COL25A1: variants seen among roughly 807,000 people sequenced by gnomAD.
COL25A1 encodes collagen alpha-1(XXV) chain.
A neutral mutation model predicts 128.4 loss-of-function variants in COL25A1; 103 were observed. The ratio of observed to expected loss-of-function variants is 0.80; its 90% CI spans 0.68 to 0.94. The LOEUF is 0.94. Among genes scored for constraint, COL25A1 ranks in the 40% least tolerant of loss-of-function variants. The pLI is 0.00. For synonymous variants in COL25A1, 279 were observed against 277.2 expected (o/e 1.01, Z -0.06); for missense variants, 745 against 840.0 (o/e 0.89, Z 1.40).
intron 3 of COL25A1, among the ~76,000 whole-genome samples, chr4:109,110,773 C>T (rs1394464606): frequency 6.6e-6 from 1 of 152,062 alleles, no homozygotes; most frequent in African/African-American, 2.4e-5. Flanking sequence ...TCTGTGTCAC[C>T]CCACACAACA....
chr4:108,931,833 T>C (rs911452955), intron 11 of COL25A1, among the ~76,000 whole-genome samples: 1 of 152,168 alleles, frequency 6.6e-6, no homozygotes, highest in African/African-American at 2.4e-5. Context: ...TGGGCAAAAG[T>C]ACCAAGGAGG....
intron 5 of COL25A1, among the ~76,000 whole-genome samples, chr4:109,019,381 T>TATATATATATATATA (rs1242459155): frequency 6.2e-5 from 2 of 32,300 alleles, no homozygotes; most frequent in African/African-American, 6.1e-4. Context: ...CACACATATA[T>TATATATATATATATA]ATATATATAT....
rs1730845505 is a variant in COL25A1 at position 108,812,129 on chromosome 4, C to T, written c.*1798G>A. On this transcript the variant is annotated 3_prime_UTR_variant, in exon 38 of 38. Coordinates refer to ENST00000399132, the MANE Select transcript of COL25A1 (RefSeq NM_198721.4). ...TTAGAATAAGCCATTTCAAAACACG[C>T]TACCAACTCTTTACTGTGCAAAGAA... The T allele has an allele frequency of 6.6e-6, 1 of 152,170 alleles. No individual in the cohort carries two copies. The highest frequency in any genetic ancestry group is 1.5e-5 in the Non-Finnish European group (1 of 68,016). 9.4% of individuals were successfully genotyped at this position (152,170 alleles called of 1,614,324 possible). A position where few individuals can be genotyped will look rare whatever the true frequency, so the allele number is the denominator to read the frequency against.
At chr4:108,860,799 A>T in intron 23 of COL25A1, 128 bp downstream of exon 23, 1 of 794,764 alleles carries the variant, frequency 1.3e-6, no homozygotes, top group Non-Finnish European at 2.1e-6. Context: ...GAATAATTAC[A>T]GTAGTCTACC....
intron 2 of COL25A1, among the ~76,000 whole-genome samples, chr4:109,301,099 T>TA (rs981087175): frequency 2.6e-5 from 4 of 151,754 alleles, no homozygotes; most frequent in African/African-American, 7.2e-5. Flanking sequence ...CCCCTTACTC[T>TA]AGTCTAAAGG....
chr4:108,816,188 A>G (rs2125703715), intron 37 of COL25A1, among the ~76,000 whole-genome samples: 1 of 152,294 alleles, frequency 6.6e-6, no homozygotes, highest in East Asian at 1.9e-4. Flanking sequence ...ATGGGAAGCT[A>G]CTAAATAAAT....
intron 35 of COL25A1, among the ~76,000 whole-genome samples, chr4:108,823,615 C>T (rs1732028879): frequency 6.6e-6 from 1 of 152,134 alleles, no homozygotes; most frequent in Non-Finnish European, 1.5e-5. Context: ...TAAAATACAC[C>T]AATATCTCTG....
intron 3 of COL25A1, among the ~76,000 whole-genome samples, chr4:109,117,178 C>T (rs1767673734): frequency 6.6e-6 from 1 of 151,946 alleles, no homozygotes; most frequent in Non-Finnish European, 1.5e-5. Flanking sequence ...AATGCCCCCA[C>T]ACTACACCTA....
intron 3 of COL25A1, among the ~76,000 whole-genome samples, chr4:109,193,577 CA>C (rs1486113982): frequency 6.6e-5 from 10 of 152,172 alleles, no homozygotes. Context: ...TCAATAACCA[CA>C]AAAACCATCT....
intron 5 of COL25A1, among the ~76,000 whole-genome samples, chr4:109,010,691 A>C (rs1162070062): frequency 6.6e-6 from 1 of 152,206 alleles, no homozygotes; most frequent in African/African-American, 2.4e-5. Context: ...ACTGTGATGA[A>C]GGGGTTACTT....
intron 3 of COL25A1, among the ~76,000 whole-genome samples, chr4:109,086,679 G>C (rs933246235): frequency 1.3e-5 from 2 of 152,104 alleles, no homozygotes; most frequent in Non-Finnish European, 1.5e-5. Flanking sequence ...TTTTATGCTT[G>C]ACTGCTGGGA....
chr4:109,054,623 C>T (rs144642165), intron 3 of COL25A1, among the ~76,000 whole-genome samples: 53 of 152,266 alleles, frequency 3.5e-4, no homozygotes, highest in African/African-American at 1.2e-3. Context: ...GCATAGGGAA[C>T]TTTAAGTACA....
chr4:108,942,208 C>T (rs1317121268), intron 8 of COL25A1: 7 of 1,550,216 alleles, frequency 4.5e-6, no homozygotes, highest in Middle Eastern at 1.7e-4. Flanking sequence ...CAACCACAAA[C>T]CTTGACGGTG....
intron 20 of COL25A1, among the ~76,000 whole-genome samples, chr4:108,865,504 C>A (rs1006441913): frequency 2.6e-5 from 4 of 152,148 alleles, no homozygotes. Context: ...AGGAGATAGA[C>A]ACAATGGCCC....
intron 11 of COL25A1, among the ~76,000 whole-genome samples, chr4:108,934,465 C>A: frequency 6.6e-6 from 1 of 151,516 alleles, no homozygotes; most frequent in African/African-American, 2.4e-5. Context: ...GCACATGTAC[C>A]CTAGAATTTA....
At chr4:108,891,298 G>A (rs1265587648) in intron 16 of COL25A1, among the ~76,000 whole-genome samples, 1 of 152,124 alleles carries the variant, frequency 6.6e-6, no homozygotes. Flanking sequence ...ATCTATAATT[G>A]CTATTCCTCC....
intron 8 of COL25A1, among the ~76,000 whole-genome samples, chr4:108,973,013 C>T (rs1752071540): frequency 6.6e-6 from 1 of 152,122 alleles, no homozygotes; most frequent in South Asian, 2.1e-4. Context: ...GTGAACCACC[C>T]TTCACTTCCT....
chr4:109,138,961 C>G (rs1035472129), intron 3 of COL25A1, among the ~76,000 whole-genome samples: 1 of 152,170 alleles, frequency 6.6e-6, no homozygotes, highest in Non-Finnish European at 1.5e-5. Context: ...CCCACCTCGG[C>G]CTCCCAAAGT....
chr4:109,195,230 AAGCACATTGAGCACAG>A (rs1486669629), intron 3 of COL25A1, among the ~76,000 whole-genome samples: 2 of 152,170 alleles, frequency 1.3e-5, no homozygotes, highest in Non-Finnish European at 2.9e-5. Flanking sequence ...GGATGAAGAG[AAGCACATTGAGCACAG>A]TAGCCCTAGC....
Sources: allele counts gnomAD v4.1 joint callset (sites outside exome capture counted in the v4.1 genomes callset), GRCh38; gene constraint gnomAD v4.1.1; transcripts MANE v1.5; gene names NCBI Gene and HGNC (gene_info 2026-07-23, HGNC 2026-07-21).